SLC1A6: variants seen among roughly 807,000 people sequenced by gnomAD.
SLC1A6 encodes the protein excitatory amino acid transporter 4.
A neutral mutation model predicts 42.1 loss-of-function variants in SLC1A6; 15 were observed. The ratio of observed to expected loss-of-function variants is 0.36; its 90% CI spans 0.24 to 0.55. The LOEUF (loss-of-function observed/expected upper bound fraction) is 0.55. Ranked by LOEUF, SLC1A6 falls within the 20% of genes least tolerant of loss-of-function variation. The pLI is 0.88. For missense variants in SLC1A6, 542 were observed against 772.5 expected (o/e 0.70, Z 3.54); for synonymous variants, 317 against 319.7 (o/e 0.99, Z 0.09).
In SLC1A6 at chr19:14,978,523, C is replaced by A. The variant is rs367829648; in HGVS notation, c.-8+786G>T. ...TTCAGACATGCAACCACACACACACCCACACAAACCTTCAGAAATGCAGCT... is the reference window on the plus strand; with the variant it reads ...TTCAGACATGCAACCACACACACACACACACAAACCTTCAGAAATGCAGCT... On this transcript the variant is annotated intron_variant, in intron 1 of 9. Coordinates refer to ENST00000594383, the MANE Select transcript of SLC1A6 (RefSeq NM_005071.3). Among the ~76,000 whole-genome samples, 380 of 151,464 alleles carry A rather than the reference C, an allele frequency of 2.5e-3. 25 individuals are homozygous for A. The South Asian group carries it at 0.075, about 30-fold the overall frequency.
At chr19:14,978,385 A>T (rs903370147) in intron 1 of SLC1A6, 4 of 152,248 alleles carry the variant, frequency 2.6e-5, no homozygotes, top group Non-Finnish European at 5.9e-5. Context: ...ACGGCATGGA[A>T]ACCAAGTACA....
upstream of SLC1A6, among the ~76,000 whole-genome samples, chr19:14,982,603 G>T (rs1301322627): frequency 6.6e-6 from 1 of 152,110 alleles, no homozygotes. Flanking sequence ...TTACAATATG[G>T]TAATTATACA....
intron 1 of SLC1A6, among the ~76,000 whole-genome samples, chr19:14,986,844 T>G (rs1002689291): frequency 6.6e-6 from 1 of 152,030 alleles, no homozygotes; most frequent in African/African-American, 2.4e-5. Context: ...GGTGCTGGAA[T>G]TACAGGCATG....
At chr19:15,009,040 T>TC (rs2045910699) in intron 1 of SLC1A6, among the ~76,000 whole-genome samples, 1 of 142,770 alleles carries the variant, frequency 7.0e-6, no homozygotes, top group Non-Finnish European at 1.5e-5. Context: ...ATATGCTATC[T>TC]ACACAGATCA....
rs1163351088 is a variant in SLC1A6 at position 14,972,928 on chromosome 19, CAG to C, written c.-7-13_-7-12del. Reference sequence around the variant, plus strand: ...CTGCTCATGGTCTATCTGCGGGAAACAGAGAAGCCTGGGGCTGGTGAGGGCCA... The same window carrying C: ...CTGCTCATGGTCTATCTGCGGGAAACAGAAGCCTGGGGCTGGTGAGGGCCA... On this transcript the variant is annotated splice_polypyrimidine_tract_variant and intron_variant, in intron 1 of 9. Transcript: ENST00000594383. 6.4e-7 allele frequency: 1 copy of C among 1,551,618 alleles called. No homozygotes were observed. Among genetic ancestry groups the C allele is most frequent in the African/African-American group, 1.4e-5 (1 of 73,740 alleles).
intron 1 of SLC1A6, chr19:14,976,966 C>T (rs1054412656): frequency 6.6e-5 from 10 of 151,146 alleles, no homozygotes; most frequent in African/African-American, 2.4e-4. Flanking sequence ...TTCCCAATGC[C>T]AAGCCCCACT....
chr19:14,953,197 A>T (rs960025180), intron 8 of SLC1A6, 135 bp from the exon 9 acceptor site: 54 of 670,118 alleles, frequency 8.1e-5, no homozygotes, highest in Non-Finnish European at 1.3e-4. Flanking sequence ...CCAGACACAG[A>T]GAGAAAAATA....
chr19:14,968,402 A>T lies in SLC1A6; in HGVS notation c.449T>A (p.Val150Asp). The T allele has an allele frequency of 6.2e-7, 1 of 1,613,816 alleles. No individual in the cohort carries two copies. The highest frequency in any genetic ancestry group is 8.5e-7 in the Non-Finnish European group (1 of 1,179,910). ...IIAVFIGILM[V>D]TIIHPGKGSK... ...GCCCTTCCCGGGATGGATGATGGTG[A>T]CCATGAGGATGCCGATGAAGACCGC... The change falls in exon 4 of 10, where the codon GTC becomes GAC. Residue 150 changes from valine (V) to aspartate (D), a missense_variant. Transcript: ENST00000594383.
At chr19:14,990,306 G>T (rs1361600063) in intron 1 of SLC1A6, among the ~76,000 whole-genome samples, 5 of 152,110 alleles carry the variant, frequency 3.3e-5, no homozygotes, top group Admixed American at 3.3e-4. Context: ...ACATTATGTT[G>T]GGTGAAATAA....
intron 1 of SLC1A6, among the ~76,000 whole-genome samples, chr19:15,010,024 A>C (rs2045917279): frequency 6.6e-6 from 1 of 151,882 alleles, no homozygotes; most frequent in Non-Finnish European, 1.5e-5. Flanking sequence ...CTAAAAAAAA[A>C]AAATGCAAAA....
chr19:14,963,244 T>G (rs1469615397), intron 5 of SLC1A6, among the ~76,000 whole-genome samples: 1 of 152,142 alleles, frequency 6.6e-6, no homozygotes, highest in Admixed American at 6.5e-5. Flanking sequence ...TATGTGAAAT[T>G]TAAAAGAGTT....
chr19:14,978,912 AC>A (rs1308044890), intron 1 of SLC1A6, among the ~76,000 whole-genome samples: 9 of 150,638 alleles, frequency 6.0e-5, no homozygotes, highest in Non-Finnish European at 1.2e-4. Flanking sequence ...ACACACAGAA[AC>A]ACACACACAC....
At chr19:14,987,470 A>G (rs1428638768) in intron 1 of SLC1A6, among the ~76,000 whole-genome samples, 1 of 151,194 alleles carries the variant, frequency 6.6e-6, no homozygotes, top group African/African-American at 2.4e-5. Flanking sequence ...TCTGTCTCGG[A>G]AAAAAAAAAT....
chr19:14,981,781 G>A (rs1250067363), upstream of SLC1A6, among the ~76,000 whole-genome samples: 1 of 152,190 alleles, frequency 6.6e-6, no homozygotes, highest in African/African-American at 2.4e-5. Flanking sequence ...TCAAGCCTAA[G>A]CATGAGAAAA....
chr19:14,956,379 G>T (rs181578797), intron 7 of SLC1A6, 97 bp downstream of exon 7: 1 of 712,130 alleles, frequency 1.4e-6, no homozygotes, highest in Non-Finnish European at 2.3e-6. Context: ...CTCAGAAGAG[G>T]TGTTTAAGGA....
chr19:14,995,176 T>C (rs1241405881), intron 1 of SLC1A6, among the ~76,000 whole-genome samples: 1 of 151,280 alleles, frequency 6.6e-6, no homozygotes, highest in Non-Finnish European at 1.5e-5. Context: ...AATACAAAAA[T>C]TAGCTAGGCA....
chr19:14,964,310 C>T lies in SLC1A6; in HGVS notation c.591+9G>A. 1 of 1,612,308 alleles carries T rather than the reference C, an allele frequency of 6.2e-7. No individual in the cohort carries two copies. Among genetic ancestry groups the T allele is most frequent in the South Asian group, 1.1e-5 (1 of 91,010 alleles). On this transcript the variant is annotated intron_variant, in intron 5 of 9. Coordinates refer to ENST00000594383, the MANE Select transcript of SLC1A6 (RefSeq NM_005071.3). Reference sequence around the variant, plus strand: ...ATCTCCTTGATCAAACTGTGTACTTCCCCCTGACCTGTTTGAAGCAGGCCT... The same window carrying T: ...ATCTCCTTGATCAAACTGTGTACTTTCCCCTGACCTGTTTGAAGCAGGCCT...
intron 4 of SLC1A6, among the ~76,000 whole-genome samples, chr19:14,964,982 G>C (rs758452034): frequency 2.6e-5 from 4 of 151,682 alleles, no homozygotes; most frequent in Non-Finnish European, 5.9e-5. Context: ...TGGTGGGGAT[G>C]TAAATTAGTA....
intron 1 of SLC1A6, among the ~76,000 whole-genome samples, chr19:14,998,576 AC>A (rs2045857825): frequency 6.6e-6 from 1 of 152,082 alleles, no homozygotes; most frequent in Non-Finnish European, 1.5e-5. Flanking sequence ...AACAACAACA[AC>A]AAAAAAAGCA....
Sources: allele counts gnomAD v4.1 joint callset (sites outside exome capture counted in the v4.1 genomes callset), GRCh38; gene constraint gnomAD v4.1.1; transcripts MANE v1.5; gene names NCBI Gene and HGNC (gene_info 2026-07-23, HGNC 2026-07-21).